Variants in DOCK5 observed in about 807,000 individuals in gnomAD.
DOCK5 encodes the protein dedicator of cytokinesis protein 5.
DOCK5 carries 142 observed loss-of-function variants against 251.8 expected under a neutral mutation model. The observed-to-expected ratio is 0.56, with a 90% confidence interval of 0.49 to 0.65. The LOEUF is 0.65. Ranked by LOEUF, DOCK5 falls within the 30% of genes least tolerant of loss-of-function variation. DOCK5 has a pLI of 0.00. For missense variants in DOCK5, 2,111 were observed against 2,312.3 expected (o/e 0.91, Z 1.79); for synonymous variants, 842 against 835.5 (o/e 1.01, Z -0.13).
Position 25,392,261 on chromosome 8 carries a change from A to G in DOCK5, c.4440+281A>G, listed in dbSNP as rs181494820. ...GGAGGTTGCAGTGAGCTGAGGTCGC[A>G]CCACTGCACTCCAGCATGGGCGACA... On this transcript the variant is annotated intron_variant, in intron 43 of 51. Transcript: ENST00000276440. Among the ~76,000 whole-genome samples, 913 of 150,360 alleles carry G rather than the reference A, an allele frequency of 6.1e-3. 10 individuals are homozygous for G. The highest frequency in any genetic ancestry group is 0.019 in the African/African-American group (768 of 40,868).
chr8:25,249,239 G>T (rs975570833), intron 2 of DOCK5, among the ~76,000 whole-genome samples: 1 of 152,120 alleles, frequency 6.6e-6, no homozygotes, highest in Non-Finnish European at 1.5e-5. Context: ...GGCCCTTAGC[G>T]ATCCTTCCAC....
intron 2 of DOCK5, among the ~76,000 whole-genome samples, chr8:25,263,342 A>T (rs567238266): frequency 1.5e-4 from 23 of 151,944 alleles, no homozygotes; most frequent in Non-Finnish European, 3.1e-4. Context: ...AGCTAGGGGT[A>T]GTATGCATTT....
At chr8:25,334,062 C>T (rs1805743564) in intron 20 of DOCK5, 34 bp from the exon 21 acceptor site, 2 of 1,503,090 alleles carry the variant, frequency 1.3e-6, no homozygotes, top group Admixed American at 1.7e-5. Context: ...TGGGATTGTG[C>T]AGTGCTGCTA....
chr8:25,243,591 A>G, intron 1 of DOCK5, 83 bp from the exon 2 acceptor site: 1 of 1,317,028 alleles, frequency 7.6e-7, no homozygotes, highest in South Asian at 1.3e-5. Context: ...ACCCTCTCAA[A>G]GTGCTGAGAT....
At position 25,395,663 on chromosome 8, in the gene DOCK5, C is replaced by T. The variant is rs1563229829; in HGVS notation, c.4648C>T (p.Leu1550=). Residue 1550 remains leucine, a synonymous_variant, in exon 45 of 52, where the codon CTG becomes TTG. Transcript: ENST00000276440. ...CCTCTCTGTGCACCCTCTCTCCATG[C>T]TGCTCAGTGGCATCGTGGACCCGGC... is the stretch of plus-strand genomic sequence containing the variant. ...RSLSVHPLSM[L]LSGIVDPAVM... The T allele has an allele frequency of 1.2e-6, 2 of 1,613,850 alleles. No homozygotes were observed. Among genetic ancestry groups the T allele is most frequent in the Non-Finnish European group, 1.7e-6 (2 of 1,179,854 alleles).
At chr8:25,191,547 A>G (rs1269943739) in intron 1 of DOCK5, among the ~76,000 whole-genome samples, 1 of 152,300 alleles carries the variant, frequency 6.6e-6, no homozygotes, top group East Asian at 1.9e-4. Context: ...TGTCACCCAC[A>G]TAGAAGCTCT....
In DOCK5 at chr8:25,325,282, A is replaced by C. The variant is rs535050209; in HGVS notation, c.1720-82A>C. 6.9e-6 allele frequency: 10 copies of C among 1,448,512 alleles called. No individual in the cohort carries two copies. The East Asian group carries it at 2.3e-4, about 33-fold the overall frequency. 89.7% of individuals were successfully genotyped at this position (1,448,512 alleles called of 1,614,324 possible). Reference sequence around the variant, plus strand: ...TGATAAGTCCACGCTTCTCATGCTGAAAATGCATGATAGAAATTGTTTTTA... The same window carrying C: ...TGATAAGTCCACGCTTCTCATGCTGCAAATGCATGATAGAAATTGTTTTTA... On this transcript the variant is annotated intron_variant, in intron 17 of 51. Transcript: ENST00000276440.
intron 1 of DOCK5, among the ~76,000 whole-genome samples, chr8:25,219,861 T>G (rs1156688881): frequency 2.8e-5 from 3 of 108,014 alleles, no homozygotes; most frequent in Non-Finnish European, 5.9e-5. Flanking sequence ...GTGCTAGGTA[T>G]TCATTGATTC....
intron 18 of DOCK5, 113 bp downstream of exon 18, chr8:25,325,660 G>A: frequency 7.8e-7 from 1 of 1,277,032 alleles, no homozygotes; most frequent in Non-Finnish European, 1.1e-6. Context: ...TAGGTAGGAT[G>A]TTGGCCAATT....
intron 12 of DOCK5, among the ~76,000 whole-genome samples, chr8:25,309,282 T>C (rs1000798198): frequency 6.6e-6 from 1 of 152,154 alleles, no homozygotes; most frequent in African/African-American, 2.4e-5. Flanking sequence ...CTTCCTGGGC[T>C]CAAGCATCCT....
At chr8:25,228,860 T>A (rs1486891020) in intron 1 of DOCK5, among the ~76,000 whole-genome samples, 4 of 152,232 alleles carry the variant, frequency 2.6e-5, no homozygotes, top group Non-Finnish European at 1.5e-5. Context: ...ATTGAACTCT[T>A]CGTAAGATTA....
At chr8:25,359,258 A>G (rs1363677813) in intron 28 of DOCK5, among the ~76,000 whole-genome samples, 197 bp downstream of exon 28, 2 of 152,370 alleles carry the variant, frequency 1.3e-5, no homozygotes, top group East Asian at 3.9e-4. Context: ...AAAGAGTACA[A>G]CACATATACC....
chr8:25,374,450 G>A (rs1472225289), intron 36 of DOCK5, 114 bp from the exon 37 acceptor site: 3 of 977,584 alleles, frequency 3.1e-6, no homozygotes, highest in Middle Eastern at 2.3e-4. Flanking sequence ...AGCCATGATC[G>A]GACCACTGCA....
Position 25,197,750 on chromosome 8 carries a change from A to ATTT in DOCK5, c.43+12815_43+12817dup, listed in dbSNP as rs71214555. Among the ~76,000 whole-genome samples, 7 of 95,762 alleles carry ATTT rather than the reference A, an allele frequency of 7.3e-5. 1 individual carries two copies. Among genetic ancestry groups the ATTT allele is most frequent in the East Asian group, 2.9e-4 (1 of 3,448 alleles). The allele number at this position is 95,762 out of a possible 152,430, so 62.8% of individuals were successfully genotyped here. A position where few individuals can be genotyped will look rare whatever the true frequency, so the allele number is the denominator to read the frequency against. ...AGGTACATGCAACCATGCCAAGCTA[A>ATTT]TTTTTTTTTTTTTTTTTTGAGACGG... On this transcript the variant is annotated intron_variant, in intron 1 of 51. Coordinates refer to ENST00000276440, the MANE Select transcript of DOCK5 (RefSeq NM_024940.8).
intron 2 of DOCK5, among the ~76,000 whole-genome samples, chr8:25,263,758 C>T (rs1803658497): frequency 6.6e-6 from 1 of 151,780 alleles, no homozygotes; most frequent in Admixed American, 6.5e-5. Context: ...TGGGCTCTGA[C>T]ATGCCATGCC....
At chr8:25,346,607 C>T (rs1284439822) in intron 26 of DOCK5, among the ~76,000 whole-genome samples, 1 of 97,972 alleles carries the variant, frequency 1.0e-5, no homozygotes, top group African/African-American at 4.2e-5. Flanking sequence ...GGATGGATCA[C>T]GAGGTCAGGA....
chr8:25,248,236 A>C (rs1803167952), intron 2 of DOCK5, among the ~76,000 whole-genome samples: 1 of 152,208 alleles, frequency 6.6e-6, no homozygotes. Context: ...TCTGCTAAGC[A>C]CTTAGAGTTC....
At chr8:25,330,280 C>G (rs1184862499) in intron 18 of DOCK5, among the ~76,000 whole-genome samples, 1 of 152,162 alleles carries the variant, frequency 6.6e-6, no homozygotes, top group Non-Finnish European at 1.5e-5. Flanking sequence ...CCTTTCCGTT[C>G]ATTCATTTAT....
intron 26 of DOCK5, among the ~76,000 whole-genome samples, chr8:25,348,975 C>T (rs1563210973): frequency 6.6e-6 from 1 of 152,128 alleles, no homozygotes; most frequent in Non-Finnish European, 1.5e-5. Flanking sequence ...TTTAGGGCCA[C>T]ACTAAGGAAA....
Sources: allele counts gnomAD v4.1 joint callset (sites outside exome capture counted in the v4.1 genomes callset), GRCh38; gene constraint gnomAD v4.1.1; transcripts MANE v1.5; gene names NCBI Gene and HGNC (gene_info 2026-07-23, HGNC 2026-07-21).